MORN5: variants seen among roughly 807,000 people sequenced by gnomAD.
MORN5 encodes MORN repeat-containing protein 5.
Under a neutral mutation model 22.1 loss-of-function variants are expected in MORN5, and 21 were observed. The observed-to-expected ratio is 0.95, with a 90% CI of 0.67 to 1.37. The LOEUF (loss-of-function observed/expected upper bound fraction) is 1.37. Ranked by LOEUF, MORN5 falls within the 40% of genes most tolerant of loss-of-function variation. The probability of loss-of-function intolerance (pLI) is 0.00; values close to 1 mark genes in which losing one functional copy is unlikely to be tolerated. For missense variants in MORN5, 211 were observed against 215.1 expected (o/e 0.98, Z 0.12); for synonymous variants, 73 against 74.0 (o/e 0.99, Z 0.07).
At position 122,160,127 on chromosome 9, in the gene MORN5, G is replaced by GCCCT. The variant is rs1229925201; in HGVS notation, c.47+111_47+112insTCCC. 7 of 996,222 alleles carry GCCCT rather than the reference G, an allele frequency of 7.0e-6. No homozygotes were observed. In the East Asian group the frequency reaches 1.7e-4, roughly 24 times the overall value. 61.7% of individuals were successfully genotyped at this position (996,222 alleles called of 1,614,324 possible). On this transcript the variant is annotated intron_variant, in intron 1 of 4. Transcript: ENST00000373764. ...TTGTGCCAGGCACTTTCACAAACTT[G>GCCCT]CCCGAGTAATTTTTTCAAGGACCAT...
rs150935769 is a variant in MORN5 at position 122,183,981 on chromosome 9, A to AG, written c.439+9358dup. On this transcript the variant is annotated intron_variant, in intron 4 of 4. Transcript: ENST00000373764. ...CTCCATTAAATGGACAATGGGAATA[A>AG]GGGGTGTGAATTGGGGTCTGAAAAG... is the stretch of plus-strand genomic sequence containing the variant. 6.3e-3 allele frequency among the ~76,000 whole-genome samples: 957 copies of AG among 152,296 alleles called. 9 individuals carry two copies. Among genetic ancestry groups the AG allele is most frequent in the African/African-American group, 0.022 (908 of 41,562 alleles).
intron 3 of MORN5, among the ~76,000 whole-genome samples, chr9:122,171,171 T>A (rs949575881): frequency 6.6e-6 from 1 of 152,030 alleles, no homozygotes; most frequent in Non-Finnish European, 1.5e-5. Context: ...AGTCCTAGCA[T>A]TCTCTCTCTA....
chr9:122,169,513 C>T, intron 2 of MORN5, 132 bp from the exon 3 acceptor site: 1 of 649,174 alleles, frequency 1.5e-6, no homozygotes, highest in East Asian at 2.6e-5. Flanking sequence ...TCGTCACAAC[C>T]ATAATAATTG....
chr9:122,180,871 A>T (rs1829528802), intron 4 of MORN5, among the ~76,000 whole-genome samples: 1 of 152,166 alleles, frequency 6.6e-6, no homozygotes. Context: ...GGACCACGTG[A>T]CTACGTCTGA....
intron 4 of MORN5, among the ~76,000 whole-genome samples, chr9:122,176,193 C>G (rs535523867): frequency 6.6e-6 from 1 of 152,058 alleles, no homozygotes; most frequent in South Asian, 2.1e-4. Context: ...CTAAGATGCC[C>G]GTAACCCACT....
At position 122,198,044 on chromosome 9, in the gene MORN5, G is replaced by A. The variant is rs139652220; in HGVS notation, c.440-1841G>A. Among the ~76,000 whole-genome samples, 255 of 152,316 alleles carry A rather than the reference G, an allele frequency of 1.7e-3. 1 individual carries two copies. The highest frequency in any genetic ancestry group is 5.1e-3 in the African/African-American group (212 of 41,580). ...TGTGGAGGCAGCCTCAGCTCCTGGC[G>A]TGCTCACATCTGCCCTGGGGTGAGA... is the stretch of plus-strand genomic sequence containing the variant. On this transcript the variant is annotated intron_variant, in intron 4 of 4. Transcript: ENST00000373764.
At chr9:122,172,132 T>TA (rs1311661205) in intron 3 of MORN5, among the ~76,000 whole-genome samples, 1 of 151,350 alleles carries the variant, frequency 6.6e-6, no homozygotes, top group East Asian at 1.9e-4. Flanking sequence ...TGGTTAATTT[T>TA]TTTTTTTTTT....
chr9:122,172,516 A>G (rs1206133817), intron 3 of MORN5, among the ~76,000 whole-genome samples: 6 of 151,794 alleles, frequency 4.0e-5, no homozygotes, highest in Admixed American at 2.0e-4. Context: ...GAATACTTTA[A>G]CCCTCTTACT....
At chr9:122,184,064 A>G (rs1468356560) in intron 4 of MORN5, among the ~76,000 whole-genome samples, 2 of 152,194 alleles carry the variant, frequency 1.3e-5, no homozygotes, top group Non-Finnish European at 2.9e-5. Flanking sequence ...GATGGCGATG[A>G]TGGTGGTGGT....
rs1829824880 is a variant in MORN5 at position 122,193,695 on chromosome 9, G to T, written c.440-6190G>T. 2.0e-5 allele frequency among the ~76,000 whole-genome samples: 3 copies of T among 152,262 alleles called. No individual in the cohort carries two copies. The South Asian group carries it at 6.2e-4, about 31-fold the overall frequency. ...TTATATACACTAATACTACAAAATG[G>T]AAAGTACCTTGGGTCTCTGTTGTGT... On this transcript the variant is annotated intron_variant, in intron 4 of 4. Transcript: ENST00000373764.
intron 2 of MORN5, among the ~76,000 whole-genome samples, chr9:122,169,409 G>C (rs1323366104): frequency 6.6e-6 from 1 of 152,214 alleles, no homozygotes. Flanking sequence ...GGGCCAGAGA[G>C]AGTGGGTCGT....
At chr9:122,196,983 A>G (rs1472672127) in intron 4 of MORN5, among the ~76,000 whole-genome samples, 1 of 152,230 alleles carries the variant, frequency 6.6e-6, no homozygotes, top group Non-Finnish European at 1.5e-5. Flanking sequence ...TGCCTGGCAC[A>G]TAATTATTTG....
intron 1 of MORN5, among the ~76,000 whole-genome samples, chr9:122,165,945 C>A (rs1319333268): frequency 1.3e-5 from 2 of 152,078 alleles, no homozygotes; most frequent in Non-Finnish European, 1.5e-5. Flanking sequence ...AGGACATAAC[C>A]AAAGACTGGG....
intron 4 of MORN5, among the ~76,000 whole-genome samples, chr9:122,189,149 C>T (rs1829703605): frequency 6.6e-6 from 1 of 151,646 alleles, no homozygotes; most frequent in Admixed American, 6.6e-5. Flanking sequence ...GAGCCAAGAT[C>T]ACGCCACTGC....
chr9:122,171,180 T>C (rs1404393237), intron 3 of MORN5, among the ~76,000 whole-genome samples: 1 of 152,120 alleles, frequency 6.6e-6, no homozygotes, highest in East Asian at 1.9e-4. Context: ...ATTCTCTCTC[T>C]ATAGCAGGAT....
Position 122,174,554 on chromosome 9 carries a change from T to C in MORN5, c.366T>C (p.Asp122=), listed in dbSNP as rs754724659. ...GAAAAATCCCCAAGGGCTATTACGA[T>C]TGTGGAGACGGCTTCTATAACCCAG... The part of the protein sequence containing the change: ...PPRKIPKGYY[D]CGDGFYNPVT... Residue 122 remains aspartate, a synonymous_variant, in exon 4 of 5, where the codon GAT becomes GAC. Coordinates refer to ENST00000373764, the MANE Select transcript of MORN5 (RefSeq NM_198469.4). 7.4e-6 allele frequency: 12 copies of C among 1,613,924 alleles called. No individual in the cohort carries two copies. The South Asian group carries it at 1.3e-4, about 18-fold the overall frequency.
At chr9:122,174,455 G>T (rs779103481) in intron 3 of MORN5, 41 bp from the exon 4 acceptor site, 13 of 1,606,728 alleles carry the variant, frequency 8.1e-6, no homozygotes, top group East Asian at 4.5e-5. Context: ...GTTTGGATTT[G>T]GCCTTCATGG....
intron 4 of MORN5, among the ~76,000 whole-genome samples, chr9:122,194,181 C>T (rs1434079119): frequency 6.6e-6 from 1 of 152,190 alleles, no homozygotes; most frequent in Admixed American, 6.5e-5. Context: ...TGGCAGCGCT[C>T]ACTGCTGGTC....
chr9:122,164,512 A>G, intron 1 of MORN5: 1 of 957,528 alleles, frequency 1.0e-6, no homozygotes, highest in Non-Finnish European at 1.2e-6. Context: ...CCTGGCCTTG[A>G]ACCAGAGGAT....
Sources: allele counts gnomAD v4.1 joint callset (sites outside exome capture counted in the v4.1 genomes callset), GRCh38; gene constraint gnomAD v4.1.1; transcripts MANE v1.5; gene names NCBI Gene and HGNC (gene_info 2026-07-23, HGNC 2026-07-21).